ST6GALNAC3: variants seen among roughly 807,000 people sequenced by gnomAD.
ST6GALNAC3 encodes the protein ST6 N-acetylgalactosaminide alpha-2,6-sialyltransferase 3, also known as alpha-N-acetylgalactosaminide alpha-2,6-sialyltransferase 3.
ST6GALNAC3 carries 25 observed loss-of-function variants against 32.7 expected under a neutral mutation model. The observed-to-expected ratio is 0.76, with a 90% confidence interval of 0.56 to 1.07. The LOEUF is 1.07. ST6GALNAC3 is among the 50% of genes least tolerant of loss of function. The probability of loss-of-function intolerance (pLI) is 0.00; values close to 1 mark genes in which losing one functional copy is unlikely to be tolerated. For missense variants in ST6GALNAC3, 355 were observed against 382.4 expected (o/e 0.93, Z 0.60); for synonymous variants, 129 against 133.1 (o/e 0.97, Z 0.21).
At chr1:76,378,567 C>T (rs1482258105) in intron 2 of ST6GALNAC3, among the ~76,000 whole-genome samples, 2 of 151,632 alleles carry the variant, frequency 1.3e-5, no homozygotes, top group African/African-American at 2.4e-5. Flanking sequence ...GAGGCTGAGA[C>T]AGGAGAATTG....
At chr1:76,487,871 T>G (rs201411904) in intron 3 of ST6GALNAC3, among the ~76,000 whole-genome samples, 2 of 152,258 alleles carry the variant, frequency 1.3e-5, no homozygotes, top group East Asian at 3.9e-4. Flanking sequence ...TCTACCTTGG[T>G]CTTTGATGAT....
chr1:76,293,898 T>A (rs1385711460), intron 1 of ST6GALNAC3, among the ~76,000 whole-genome samples: 2 of 152,102 alleles, frequency 1.3e-5, no homozygotes, highest in Non-Finnish European at 2.9e-5. Context: ...CATATGCACG[T>A]GCTTTATATC....
intron 2 of ST6GALNAC3, among the ~76,000 whole-genome samples, chr1:76,369,765 A>G (rs1650670639): frequency 6.6e-6 from 1 of 152,206 alleles, no homozygotes; most frequent in Non-Finnish European, 1.5e-5. Flanking sequence ...TATGGTACAG[A>G]CTGAGACTTG....
chr1:76,391,502 A>C (rs1031851888), intron 2 of ST6GALNAC3, among the ~76,000 whole-genome samples: 1 of 151,812 alleles, frequency 6.6e-6, no homozygotes, highest in Non-Finnish European at 1.5e-5. Context: ...TTAGAAACAA[A>C]TCGTAAGCCA....
At chr1:76,075,510 A>G (rs1646803052) in intron 1 of ST6GALNAC3, among the ~76,000 whole-genome samples, 1 of 152,174 alleles carries the variant, frequency 6.6e-6, no homozygotes, top group Admixed American at 6.5e-5. Flanking sequence ...ATTTGAATAG[A>G]CAAAATGATT....
intron 1 of ST6GALNAC3, among the ~76,000 whole-genome samples, chr1:76,123,749 A>ATTTTTTTTTTTTTTTTTTTTTTTTTTT (rs767734132): frequency 2.1e-5 from 2 of 94,290 alleles, no homozygotes; most frequent in African/African-American, 4.3e-5. Flanking sequence ...ACTCATTTTA[A>ATTTTTTTTTTTTTTTTTTTTTTTTTTT]TTTTTTTTTT....
intron 2 of ST6GALNAC3, among the ~76,000 whole-genome samples, chr1:76,366,203 A>T (rs1650357592): frequency 1.3e-5 from 2 of 152,244 alleles, no homozygotes; most frequent in African/African-American, 4.8e-5. Context: ...CCCAGCTTAA[A>T]TTTCTCCAAT....
At chr1:76,610,555 G>A (rs914081327) in intron 3 of ST6GALNAC3, among the ~76,000 whole-genome samples, 41 of 152,220 alleles carry the variant, frequency 2.7e-4, no homozygotes, top group African/African-American at 9.9e-4. Flanking sequence ...GGCCTGGAGG[G>A]AGGGAGGCAA....
chr1:76,295,598 G>A (rs1660354953), intron 1 of ST6GALNAC3, among the ~76,000 whole-genome samples: 1 of 152,054 alleles, frequency 6.6e-6, no homozygotes, highest in African/African-American at 2.4e-5. Context: ...TTTTGGTTTT[G>A]TTCCCACCTT....
chr1:76,522,844 C>T (rs1486173082), intron 3 of ST6GALNAC3, among the ~76,000 whole-genome samples: 3 of 152,198 alleles, frequency 2.0e-5, no homozygotes, highest in African/African-American at 2.4e-5. Flanking sequence ...CACATGCTGT[C>T]ATTGATCTGT....
chr1:76,487,990 A>C (rs1660238440), intron 3 of ST6GALNAC3, among the ~76,000 whole-genome samples: 3 of 152,100 alleles, frequency 2.0e-5, no homozygotes, highest in African/African-American at 7.2e-5. Context: ...CTGGAGGTCA[A>C]CTCCAGACCC....
chr1:76,095,131 C>A (rs147596846), intron 1 of ST6GALNAC3, among the ~76,000 whole-genome samples: 2 of 152,130 alleles, frequency 1.3e-5, no homozygotes, highest in Non-Finnish European at 2.9e-5. Flanking sequence ...GATATATATA[C>A]CCCTGGGATC....
chr1:76,611,906 T>C (rs970852181), intron 3 of ST6GALNAC3, among the ~76,000 whole-genome samples: 3 of 152,164 alleles, frequency 2.0e-5, no homozygotes, highest in African/African-American at 7.2e-5. Flanking sequence ...AGTGCCACGA[T>C]GAATTGTTGA....
intron 1 of ST6GALNAC3, among the ~76,000 whole-genome samples, chr1:76,241,311 G>T (rs1472057461): frequency 6.6e-6 from 1 of 152,164 alleles, no homozygotes; most frequent in Non-Finnish European, 1.5e-5. Context: ...AAAGTTCAAG[G>T]TTGGGCATCT....
chr1:76,396,988 T>G (rs1653015369), intron 2 of ST6GALNAC3, among the ~76,000 whole-genome samples: 3 of 152,160 alleles, frequency 2.0e-5, no homozygotes, highest in Admixed American at 6.5e-5. Context: ...AGAATGGCAC[T>G]TCATTAAAGC....
chr1:76,437,870 G>A (rs989788953), intron 3 of ST6GALNAC3, among the ~76,000 whole-genome samples: 1 of 151,728 alleles, frequency 6.6e-6, no homozygotes, highest in African/African-American at 2.4e-5. Flanking sequence ...CACCGTGCCT[G>A]GCCAAAATAG....
intron 1 of ST6GALNAC3, among the ~76,000 whole-genome samples, chr1:76,313,265 T>C (rs1646802382): frequency 6.6e-6 from 1 of 152,156 alleles, no homozygotes; most frequent in Non-Finnish European, 1.5e-5. Context: ...TAAGGTACCA[T>C]GTTAAGAGCC....
chr1:76,568,552 A>G (rs1665687164), intron 3 of ST6GALNAC3, among the ~76,000 whole-genome samples: 1 of 152,216 alleles, frequency 6.6e-6, no homozygotes, highest in Non-Finnish European at 1.5e-5. Flanking sequence ...GAGCCCGACT[A>G]CATTAAACCA....
chr1:76,322,330 A>T (rs527853428), intron 2 of ST6GALNAC3, among the ~76,000 whole-genome samples: 6 of 152,300 alleles, frequency 3.9e-5, no homozygotes, highest in African/African-American at 1.4e-4. Context: ...AAAAGTGCTT[A>T]TTCTGTTCCA....
Sources: allele counts gnomAD v4.1 joint callset (sites outside exome capture counted in the v4.1 genomes callset), GRCh38; gene constraint gnomAD v4.1.1; transcripts MANE v1.5; gene names NCBI Gene and HGNC (gene_info 2026-07-23, HGNC 2026-07-21).